NIPA2: variants seen among roughly 807,000 people sequenced by gnomAD.
NIPA2 encodes magnesium transporter NIPA2.
A neutral mutation model predicts 29.7 loss-of-function variants in NIPA2; 11 were observed. The observed-to-expected ratio is 0.37, with a 90% CI of 0.23 to 0.61. The LOEUF is 0.61. Among genes scored for constraint, NIPA2 ranks in the 20% least tolerant of loss-of-function variants. The pLI is 0.66. For synonymous variants in NIPA2, 183 were observed against 161.9 expected (o/e 1.13, Z -0.99); for missense variants, 426 against 437.9 (o/e 0.97, Z 0.24).
rs373772836 is a variant in NIPA2 at position 22,866,332 on chromosome 15, G to A, written c.568G>A (p.Ala190Thr). ...VYITICSVIG[A>T]FSVSCVKGLG... The stretch of plus-strand genomic sequence containing the variant: ...CATAACAATCTGCTCTGTAATCGGC[G>A]CGTTTTCAGTCTCCTGTGTGAAGGG... Residue 190 changes from alanine to threonine, a missense_variant, in exon 8 of 8, where the codon GCG becomes ACG. Transcript: ENST00000337451. The A allele has an allele frequency of 9.3e-6, 15 of 1,613,888 alleles. No homozygotes were observed. The highest frequency in any genetic ancestry group is 3.3e-5 in the South Asian group (3 of 91,082).
At position 22,866,889 on chromosome 15, in the gene NIPA2, G is replaced by C. The variant is rs1177708362; in HGVS notation, c.*42G>C. On this transcript the variant is annotated 3_prime_UTR_variant, in exon 8 of 8. Transcript: ENST00000337451. ...GGTTAATCTGTGATTGTTATGAAGT[G>C]AATTTGAATATCATCAGAATGTGTC... is the stretch of plus-strand genomic sequence containing the variant. 3 of 1,486,170 alleles carry C rather than the reference G, an allele frequency of 2.0e-6. No homozygotes were observed. The African/African-American group carries it at 4.2e-5, about 21-fold the overall frequency. 92.1% of individuals were successfully genotyped at this position (1,486,170 alleles called of 1,614,324 possible). A position where few individuals can be genotyped will look rare whatever the true frequency, so the allele number is the denominator to read the frequency against.
intron 3 of NIPA2, among the ~76,000 whole-genome samples, chr15:22,845,648 A>G (rs1374803368): frequency 6.6e-6 from 1 of 152,118 alleles, no homozygotes; most frequent in Non-Finnish European, 1.5e-5. Context: ...CTTAAGGTGT[A>G]CCCTGGCCTT....
intron 2 of NIPA2, among the ~76,000 whole-genome samples, chr15:22,843,253 C>T (rs896247593): frequency 1.3e-5 from 2 of 151,952 alleles, no homozygotes; most frequent in African/African-American, 4.8e-5. Context: ...GCCTGTAATC[C>T]CAGCACTTTA....
At chr15:22,840,290 G>GTTTTTT (rs59421708) in intron 2 of NIPA2, among the ~76,000 whole-genome samples, 28 of 137,832 alleles carry the variant, frequency 2.0e-4, no homozygotes, top group African/African-American at 7.2e-4. Context: ...TCTATATATA[G>GTTTTTT]TTTTTTTTTT....
At chr15:22,841,344 CTA>C (rs1304704892) in intron 2 of NIPA2, among the ~76,000 whole-genome samples, 1 of 152,122 alleles carries the variant, frequency 6.6e-6, no homozygotes, top group Non-Finnish European at 1.5e-5. Flanking sequence ...TTCTGCATAT[CTA>C]TTTGTTTTAT....
At chr15:22,840,464 A>ATT (rs1428831888) in intron 2 of NIPA2, among the ~76,000 whole-genome samples, 3 of 151,630 alleles carry the variant, frequency 2.0e-5, no homozygotes, top group Non-Finnish European at 4.4e-5. Context: ...CGCCCAGCTA[A>ATT]TTTTTGTATT....
Position 22,866,640 on chromosome 15 carries a change from G to T in NIPA2, c.876G>T (p.Gly292=), listed in dbSNP as rs2059097939. Residue 292 remains glycine (G), a synonymous_variant, in exon 8 of 8, where the codon GGG becomes GGT. Transcript: ENST00000337451. ...GTGGCTTCTTTACAATCATTGTGGG[G>T]ATATTCTTGTTGCATGCCTTTAAAG... ...TLSGFFTIIV[G]IFLLHAFKDV... 6 of 1,614,034 alleles carry T rather than the reference G, an allele frequency of 3.7e-6. No individual in the cohort carries two copies. The highest frequency in any genetic ancestry group is 5.1e-6 in the Non-Finnish European group (6 of 1,179,944).
At chr15:22,861,799 A>G (rs2058638487) in intron 7 of NIPA2, among the ~76,000 whole-genome samples, 1 of 151,862 alleles carries the variant, frequency 6.6e-6, no homozygotes, top group Non-Finnish European at 1.5e-5. Context: ...CAGTGATGTG[A>G]TCTCAGCTCA....
intron 5 of NIPA2, among the ~76,000 whole-genome samples, chr15:22,854,524 C>T (rs1407788547): frequency 1.3e-4 from 20 of 151,488 alleles, no homozygotes; most frequent in Admixed American, 1.3e-3. Context: ...GCGGGTGGAT[C>T]ACTTGAGGTC....
In NIPA2 at chr15:22,851,686, T is replaced by A. The variant is rs752848793; in HGVS notation, c.-46T>A. On this transcript the variant is annotated 5_prime_UTR_variant, in exon 4 of 8. Transcript: ENST00000337451. The stretch of plus-strand genomic sequence containing the variant: ...CCTCTAGTACCAGCGGTTTCTCTGT[T>A]CTGTGATCAATGTGATTCACAGGAA... 2.4e-5 allele frequency: 38 copies of A among 1,562,354 alleles called. No individual in the cohort carries two copies. Among genetic ancestry groups the A allele is most frequent in the Non-Finnish European group, 3.3e-5 (38 of 1,149,788 alleles).
chr15:22,843,100 A>G (rs1281672988), intron 2 of NIPA2, among the ~76,000 whole-genome samples: 1 of 145,174 alleles, frequency 6.9e-6, no homozygotes, highest in Non-Finnish European at 1.5e-5. Context: ...TGCTACAAAC[A>G]GGGGTCGTGA....
chr15:22,855,680 A>T (rs1214994126), intron 5 of NIPA2, among the ~76,000 whole-genome samples: 1 of 152,258 alleles, frequency 6.6e-6, no homozygotes, highest in East Asian at 1.9e-4. Flanking sequence ...GAGTGTTGTG[A>T]AATGGAGGAT....
At chr15:22,857,623 G>T (rs1459044340) in intron 5 of NIPA2, among the ~76,000 whole-genome samples, 1 of 151,546 alleles carries the variant, frequency 6.6e-6, no homozygotes, top group Admixed American at 6.6e-5. Flanking sequence ...GATCATTTGA[G>T]GTCAGGAGTT....
intron 2 of NIPA2, 73 bp downstream of exon 2, chr15:22,839,863 T>A (rs989818755): frequency 2.0e-5 from 3 of 152,188 alleles, no homozygotes; most frequent in Non-Finnish European, 4.4e-5. Flanking sequence ...CTGTAATATT[T>A]ATAAGTACAG....
chr15:22,839,521 C>T (rs1896439757), intron 1 of NIPA2, 134 bp from the exon 2 acceptor site: 1 of 152,180 alleles, frequency 6.6e-6, no homozygotes, highest in African/African-American at 2.4e-5. Flanking sequence ...CCTGTCGAAG[C>T]AGTAGTTGTG....
Position 22,866,901 on chromosome 15 carries a change from C to A in NIPA2, c.*54C>A. The A allele has an allele frequency of 7.0e-7, 1 of 1,437,786 alleles. No individual in the cohort carries two copies. 89.1% of individuals were successfully genotyped at this position (1,437,786 alleles called of 1,614,324 possible). ...ATTGTTATGAAGTGAATTTGAATAT[C>A]ATCAGAATGTGTCTGAAAAAACATT... On this transcript the variant is annotated 3_prime_UTR_variant, in exon 8 of 8. Coordinates refer to ENST00000337451, the MANE Select transcript of NIPA2 (RefSeq NM_030922.7).
rs1361609885 is a variant in NIPA2 at position 22,868,262 on chromosome 15, ATC to A, written c.*1417_*1418del. 6.6e-6 allele frequency: 1 copy of A among 152,046 alleles called. No individual in the cohort carries two copies. Among genetic ancestry groups the A allele is most frequent in the African/African-American group, 2.4e-5 (1 of 41,266 alleles). The allele number at this position is 152,046 out of a possible 1,614,324, so 9.4% of individuals were successfully genotyped here. A position where few individuals can be genotyped will look rare whatever the true frequency, so the allele number is the denominator to read the frequency against. ...TTTTAATACTACAGATGTACTACGTATCTGTTTATATACTGTACCTACATCTG... is the reference window on the plus strand; with the variant it reads ...TTTTAATACTACAGATGTACTACGTATGTTTATATACTGTACCTACATCTG... On this transcript the variant is annotated 3_prime_UTR_variant, in exon 8 of 8. Coordinates refer to ENST00000337451, the MANE Select transcript of NIPA2 (RefSeq NM_030922.7).
chr15:22,859,412 C>T (rs1407698535), intron 6 of NIPA2, among the ~76,000 whole-genome samples: 1 of 151,630 alleles, frequency 6.6e-6, no homozygotes, highest in African/African-American at 2.4e-5. Context: ...CCTGCCACAG[C>T]CTCCCGAGTA....
At chr15:22,854,813 T>G (rs973426716) in intron 5 of NIPA2, among the ~76,000 whole-genome samples, 2 of 152,136 alleles carry the variant, frequency 1.3e-5, no homozygotes, top group African/African-American at 4.8e-5. Flanking sequence ...ATACTTGATG[T>G]TATTCACCAG....
Sources: allele counts gnomAD v4.1 joint callset (sites outside exome capture counted in the v4.1 genomes callset), GRCh38; gene constraint gnomAD v4.1.1; transcripts MANE v1.5; gene names NCBI Gene and HGNC (gene_info 2026-07-23, HGNC 2026-07-21).